The following DENND4A variants were observed in gnomAD, a reference collection of about 807,000 sequenced individuals.
DENND4A encodes the protein C-myc promoter-binding protein.
In DENND4A, 70 loss-of-function variants were observed where a neutral mutation model predicts 199.3. That is an observed-to-expected ratio of 0.35 (90% CI 0.29 to 0.43). The LOEUF (loss-of-function observed/expected upper bound fraction) is 0.43, where lower values mean the gene tolerates loss of function less well. Ranked by LOEUF, DENND4A falls within the 20% of genes least tolerant of loss-of-function variation. DENND4A has a pLI of 1.00. For missense variants in DENND4A, 1,723 were observed against 2,255.8 expected, an observed-to-expected ratio of 0.76 and a Z score of 4.78; for synonymous variants, 686 against 766.9, an observed-to-expected ratio of 0.89 and a Z score of 1.74.
chr15:65,665,057 A>C (rs2075989865), intron 30 of DENND4A: 1 of 457,470 alleles, frequency 2.2e-6, no homozygotes, highest in Non-Finnish European at 3.8e-6. Flanking sequence ...ATGTGCTGAA[A>C]GCTGAATTCT....
At chr15:65,698,726 C>CTTTTTTT (rs71139423) in intron 20 of DENND4A, among the ~76,000 whole-genome samples, 1 of 72,762 alleles carries the variant, frequency 1.4e-5, no homozygotes, top group Non-Finnish European at 2.5e-5. Context: ...TTAAGATAGC[C>CTTTTTTT]TTTTTTTTTT....
intron 24 of DENND4A, 132 bp from the exon 25 acceptor site, chr15:65,672,018 A>G (rs2076233831): frequency 1.6e-6 from 1 of 632,552 alleles, no homozygotes; most frequent in Admixed American, 2.8e-5. Flanking sequence ...ACTAATTAGG[A>G]AAAACAAATA....
In DENND4A at chr15:65,664,402, GAA is replaced by G. The variant is rs777800018; in HGVS notation, c.5523-10_5523-9del. On this transcript the variant is annotated splice_polypyrimidine_tract_variant and intron_variant, in intron 31 of 32. Transcript: ENST00000443035. Reference sequence around the variant, plus strand: ...ATTTCTCTGTATAAACTCCTAGGGAGAAAAAGTCATGGAGAAAATATTAGTAT... The same window carrying G: ...ATTTCTCTGTATAAACTCCTAGGGAGAAAGTCATGGAGAAAATATTAGTAT... The G allele has an allele frequency of 6.3e-7, 1 of 1,590,582 alleles. No individual in the cohort carries two copies. The highest frequency in any genetic ancestry group is 1.1e-5 in the South Asian group (1 of 88,012).
At chr15:65,698,712 T>C (rs938716771) in intron 20 of DENND4A, among the ~76,000 whole-genome samples, 1 of 148,672 alleles carries the variant, frequency 6.7e-6, no homozygotes, top group Non-Finnish European at 1.5e-5. Flanking sequence ...GGTTTTACAC[T>C]ATTTTAAGAT....
chr15:65,729,278 A>G (rs1381455783), intron 10 of DENND4A, 31 bp from the exon 11 acceptor site: 2 of 1,553,814 alleles, frequency 1.3e-6, no homozygotes, highest in South Asian at 2.4e-5. Flanking sequence ...GAGAGAATTT[A>G]GCTTTTTAAC....
intron 5 of DENND4A, among the ~76,000 whole-genome samples, chr15:65,740,333 A>G: frequency 6.6e-6 from 1 of 151,396 alleles, no homozygotes; most frequent in Admixed American, 6.6e-5. Flanking sequence ...GCCAGTAGCC[A>G]GCACAGCAGC....
chr15:65,742,360 T>C (rs2076281105), intron 4 of DENND4A, among the ~76,000 whole-genome samples: 1 of 152,102 alleles, frequency 6.6e-6, no homozygotes, highest in Non-Finnish European at 1.5e-5. Flanking sequence ...CTTGGCTCAC[T>C]GCAATCTCTG....
In DENND4A at chr15:65,700,644, A is replaced by G; in HGVS notation, c.2733T>C (p.His911=). ...TCCCATGACCACTATCCATGCTGCCATGACTAACAGCATCCAGGTCACTGC... is the reference window on the plus strand; with the variant it reads ...TCCCATGACCACTATCCATGCTGCCGTGACTAACAGCATCCAGGTCACTGC... ...ADGSDLDAVS[H]GSMDSGHGTH... Residue 911 remains histidine, a synonymous_variant, in exon 20 of 33, where the codon CAT becomes CAC. Transcript: ENST00000443035. 6.5e-7 allele frequency: 1 copy of G among 1,544,546 alleles called. No homozygotes were observed. Among genetic ancestry groups the G allele is most frequent in the Non-Finnish European group, 8.7e-7 (1 of 1,144,732 alleles).
chr15:65,697,603 A>T (rs900487309), intron 20 of DENND4A, among the ~76,000 whole-genome samples: 2 of 152,156 alleles, frequency 1.3e-5, no homozygotes, highest in African/African-American at 4.8e-5. Context: ...TCTTGAAATA[A>T]TTTACTCTTG....
chr15:65,692,691 T>A (rs993464167), intron 22 of DENND4A, among the ~76,000 whole-genome samples: 1 of 152,102 alleles, frequency 6.6e-6, no homozygotes, highest in Admixed American at 6.6e-5. Flanking sequence ...CAGCTTACGA[T>A]TGAGGACATA....
chr15:65,664,684 C>A lies in DENND4A; in HGVS notation c.5398G>T (p.Asp1800Tyr). 1 of 1,612,292 alleles carries A rather than the reference C, an allele frequency of 6.2e-7. No homozygotes were observed. ...AACAGTTCCTGGTTAAATGAGTTATCACTTTTTTGCAATAAATGGACCATT... is the reference window on the plus strand; with the variant it reads ...AACAGTTCCTGGTTAAATGAGTTATAACTTTTTTGCAATAAATGGACCATT... Reference protein sequence around the residue: ...YPMVHLLQKSDNSFNQELLKS... With the variant: ...YPMVHLLQKSYNSFNQELLKS... Residue 1800 changes from aspartate to tyrosine, a missense_variant, in exon 31 of 33, where the codon GAT becomes TAT. Asp to Tyr is a radical substitution (Grantham distance 160, BLOSUM62 -3). This residue lies in a region of DENND4A where 164 missense variants were observed against 280.1 expected (regional missense o/e 0.59). Transcript: ENST00000443035.
intron 1 of DENND4A, among the ~76,000 whole-genome samples, chr15:65,779,259 C>T (rs1353216172): frequency 1.3e-5 from 2 of 151,756 alleles, no homozygotes; most frequent in African/African-American, 4.8e-5. Flanking sequence ...AGTTCAAGAC[C>T]ATCTTGGCCA....
intron 15 of DENND4A, among the ~76,000 whole-genome samples, chr15:65,704,819 T>C (rs2142227751): frequency 6.6e-6 from 1 of 151,694 alleles, no homozygotes; most frequent in African/African-American, 2.4e-5. Context: ...CTCGAACTCC[T>C]GACCTCAAGT....
intron 25 of DENND4A, among the ~76,000 whole-genome samples, chr15:65,670,525 C>T (rs992622478): frequency 6.6e-6 from 1 of 152,142 alleles, no homozygotes. Context: ...TATTACAAAT[C>T]AGTGTGGTTG....
chr15:65,773,398 C>A (rs977883348), intron 1 of DENND4A, among the ~76,000 whole-genome samples: 1 of 151,902 alleles, frequency 6.6e-6, no homozygotes, highest in Non-Finnish European at 1.5e-5. Context: ...AGAAGGCAGA[C>A]AAGAAAACAA....
chr15:65,691,410 C>T lies in DENND4A; in HGVS notation c.3184G>A (p.Glu1062Lys), dbSNP rs756424854. 1 of 1,613,412 alleles carries T rather than the reference C, an allele frequency of 6.2e-7. No homozygotes were observed. The highest frequency in any genetic ancestry group is 1.3e-5 in the African/African-American group (1 of 74,898). ...CFRKRHKSDN[E>K]TNLQQQVVWG... ...ACCACTTGCTGCTGCAAATTAGTTT[C>T]ATTGTCACTTTTATGTCTTTTCCTG... Residue 1062 changes from glutamate (E) to lysine (K), a missense_variant, in exon 23 of 33, where the codon GAA (glutamate) becomes AAA (lysine). Physicochemically the swap from Glu to Lys is moderately conservative, Grantham distance 56. Coordinates refer to ENST00000443035, the MANE Select transcript of DENND4A (RefSeq NM_001320835.1).
chr15:65,676,141 A>AAAAAATATATAT (rs1362535499), intron 24 of DENND4A, among the ~76,000 whole-genome samples: 1 of 110,452 alleles, frequency 9.1e-6, no homozygotes, highest in African/African-American at 3.0e-5. Flanking sequence ...AATAAGGAAA[A>AAAAAATATATAT]ATATATATAT....
chr15:65,717,691 A>C (rs2075451329), intron 13 of DENND4A, 87 bp downstream of exon 13: 1 of 1,178,368 alleles, frequency 8.5e-7, no homozygotes, highest in Non-Finnish European at 1.2e-6. Flanking sequence ...ATTCTCATAA[A>C]TATGAGCTAT....
At chr15:65,670,610 A>G (rs1219242451) in intron 25 of DENND4A, among the ~76,000 whole-genome samples, 1 of 152,216 alleles carries the variant, frequency 6.6e-6, no homozygotes, top group Non-Finnish European at 1.5e-5. Context: ...AGGATTTATA[A>G]ACTTTTTAAA....
Sources: allele counts gnomAD v4.1 joint callset (sites outside exome capture counted in the v4.1 genomes callset), GRCh38; gene constraint gnomAD v4.1.1; regional missense constraint gnomAD v4.1.1; transcripts MANE v1.5; gene names NCBI Gene and HGNC (gene_info 2026-07-23, HGNC 2026-07-21).